DLG4: variants seen among roughly 807,000 people sequenced by gnomAD.
The protein encoded by DLG4 is disks large homolog 4.
A neutral mutation model predicts 93.8 loss-of-function variants in DLG4; 7 were observed. The observed-to-expected ratio is 0.07, with a 90% CI of 0.04 to 0.14. The LOEUF (loss-of-function observed/expected upper bound fraction) is 0.14, where lower values mean the gene tolerates loss of function less well. Ranked by LOEUF, DLG4 falls within the 10% of genes least tolerant of loss-of-function variation. DLG4 has a pLI of 1.00. For synonymous variants in DLG4, 341 were observed against 387.6 expected, an observed-to-expected ratio of 0.88 and a Z score of 1.41; for missense variants, 545 against 992.9, an observed-to-expected ratio of 0.55 and a Z score of 6.06.
chr17:7,218,164 A>G (rs1331965507), upstream of DLG4: 1 of 1,317,616 alleles, frequency 7.6e-7, no homozygotes, highest in Non-Finnish European at 1.1e-6. Flanking sequence ...ATTCCAGGTA[A>G]TATTAGTGAT....
chr17:7,208,005 C>T lies in DLG4; in HGVS notation c.96+169G>A. On this transcript the variant is annotated intron_variant, in intron 2 of 19. Coordinates refer to ENST00000399506, the MANE Select transcript of DLG4 (RefSeq NM_001321075.3). This position sits in a 1 kb window ranked among gnomAD's most constrained non-coding sequence, Gnocchi z 5.4. The stretch of plus-strand genomic sequence containing the variant: ...CCACGGCTCTCTCTCACCCTACCGG[C>T]CCTTAGGGATTGCTGCAGCTCCGAG... The T allele has an allele frequency of 8.5e-7, 1 of 1,177,208 alleles. No individual in the cohort carries two copies. The highest frequency in any genetic ancestry group is 1.1e-6 in the Non-Finnish European group (1 of 936,106). The allele number at this position is 1,177,208 out of a possible 1,614,324, so 72.9% of individuals were successfully genotyped here. A position where few individuals can be genotyped will look rare whatever the true frequency, so the allele number is the denominator to read the frequency against.
chr17:7,197,133 G>A (rs1567533306), intron 8 of DLG4, 81 bp from the exon 9 acceptor site: 5 of 1,384,910 alleles, frequency 3.6e-6, no homozygotes, highest in Non-Finnish European at 3.9e-6. Context: ...GGTGCCAGAA[G>A]AGCCAAAGTT....
chr17:7,205,342 G>C (rs1312152558), intron 2 of DLG4, among the ~76,000 whole-genome samples: 1 of 152,202 alleles, frequency 6.6e-6, no homozygotes, highest in Non-Finnish European at 1.5e-5. Context: ...CCCGGTCCTA[G>C]GGGCTTCCCC....
chr17:7,206,070 A>C (rs777632115), intron 2 of DLG4, among the ~76,000 whole-genome samples: 1 of 151,156 alleles, frequency 6.6e-6, no homozygotes, highest in African/African-American at 2.4e-5. Flanking sequence ...TCCCTTACCA[A>C]TGTGGCCTCA....
chr17:7,218,393 G>A (rs1256081024), upstream of DLG4: 15 of 1,411,542 alleles, frequency 1.1e-5, no homozygotes, highest in Non-Finnish European at 1.5e-5. Flanking sequence ...TTTCAGCCAA[G>A]GCTGGTCCAC....
At chr17:7,205,141 C>T in intron 2 of DLG4, 1 of 985,562 alleles carries the variant, frequency 1.0e-6, no homozygotes, top group Non-Finnish European at 1.2e-6. Flanking sequence ...GCCTTCCTCG[C>T]TCCCCTACGC....
At chr17:7,204,172 C>T (rs1324964583) in intron 3 of DLG4, 27 bp downstream of exon 3, 1 of 1,605,828 alleles carries the variant, frequency 6.2e-7, no homozygotes, top group African/African-American at 1.3e-5. Flanking sequence ...CTGCAATGGC[C>T]CCAGCCCCAA....
At position 7,217,270 on chromosome 17, in the gene DLG4, T is replaced by A; in HGVS notation, c.-123A>T. 1.1e-6 allele frequency: 1 copy of A among 951,786 alleles called. No homozygotes were observed. Among genetic ancestry groups the A allele is most frequent in the Non-Finnish European group, 1.2e-6 (1 of 800,748 alleles). 59.0% of individuals were successfully genotyped at this position (951,786 alleles called of 1,614,324 possible). The stretch of plus-strand genomic sequence containing the variant: ...CCCACTTTTGCAGGGGGGGCCAGGA[T>A]GGGGGGAGGGGTGAGAGGGGAAGGA... On this transcript the variant is annotated 5_prime_UTR_variant, in exon 1 of 20. Transcript: ENST00000399506.
In DLG4 at chr17:7,194,226, G is replaced by A; in HGVS notation, c.1478+93C>T. 1 of 1,489,294 alleles carries A rather than the reference G, an allele frequency of 6.7e-7. No individual in the cohort carries two copies. Among genetic ancestry groups the A allele is most frequent in the African/African-American group, 1.4e-5 (1 of 72,048 alleles). The allele number at this position is 1,489,294 out of a possible 1,614,324, so 92.3% of individuals were successfully genotyped here. A position where few individuals can be genotyped will look rare whatever the true frequency, so the allele number is the denominator to read the frequency against. On this transcript the variant is annotated intron_variant, in intron 12 of 19. Transcript: ENST00000399506. This position sits in a 1 kb window ranked among gnomAD's most constrained non-coding sequence, Gnocchi z 4.4. The stretch of plus-strand genomic sequence containing the variant: ...ACAGACAAACCCCTAGGAGTTCAGA[G>A]GGCAAACCCATCCCCTGTTGGCTGC...
intron 2 of DLG4, chr17:7,207,970 A>T: frequency 1.1e-6 from 1 of 896,576 alleles, no homozygotes; most frequent in Non-Finnish European, 1.4e-6. Context: ...CAGTCCCAGC[A>T]TCCCCCTCCC....
At chr17:7,192,206 A>C in intron 17 of DLG4, 2 of 434,062 alleles carry the variant, frequency 4.6e-6, no homozygotes, top group East Asian at 3.6e-5. Flanking sequence ...AAGGAAAGGG[A>C]AGATGGAGAG....
rs2069724611 is a variant in DLG4 at position 7,195,430 on chromosome 17, G to A, written c.1301+790C>T. 6.6e-6 allele frequency among the ~76,000 whole-genome samples: 1 copy of A among 152,190 alleles called. No homozygotes were observed. Among genetic ancestry groups the A allele is most frequent in the Non-Finnish European group, 1.5e-5 (1 of 68,038 alleles). On this transcript the variant is annotated intron_variant, in intron 11 of 19. Coordinates refer to ENST00000399506, the MANE Select transcript of DLG4 (RefSeq NM_001321075.3). This position sits in a 1 kb window ranked among gnomAD's most constrained non-coding sequence, Gnocchi z 4.3. ...GGCTCAGGTGGGAGCCAGTGTCTGGGTGGCTGGTGATGCCATCCAACAAGA... is the reference window on the plus strand; with the variant it reads ...GGCTCAGGTGGGAGCCAGTGTCTGGATGGCTGGTGATGCCATCCAACAAGA...
chr17:7,219,292 T>A, upstream of DLG4: 1 of 687,756 alleles, frequency 1.5e-6, no homozygotes. Context: ...GGAATCCATC[T>A]GCCTGGGCAC....
In DLG4 at chr17:7,203,968, C is replaced by A. The variant is rs373339; in HGVS notation, c.210+40G>T. On this transcript the variant is annotated intron_variant, in intron 4 of 19. Transcript: ENST00000399506. This position sits in a 1 kb window ranked among gnomAD's most constrained non-coding sequence, Gnocchi z 7.2. ...CACATGGCAGAAAGAAAGGTACAGA[C>A]GGGAGGCCACGGGGACTGCCGATGG... 1 of 1,603,210 alleles carries A rather than the reference C, an allele frequency of 6.2e-7. No homozygotes were observed. Among genetic ancestry groups the A allele is most frequent in the Admixed American group, 1.7e-5 (1 of 58,224 alleles).
At position 7,191,828 on chromosome 17, in the gene DLG4, C is replaced by A. The variant is rs1443080901; in HGVS notation, c.1976+65G>T. The stretch of plus-strand genomic sequence containing the variant: ...CTGAAGGGAGAGTTGAACGCAGACG[C>A]CTTGTGAGGCCCAGGGCCACAGGTG... On this transcript the variant is annotated intron_variant, in intron 18 of 19. Transcript: ENST00000399506. This position sits in a 1 kb window ranked among gnomAD's most constrained non-coding sequence, Gnocchi z 6.6. 8 of 1,166,074 alleles carry A rather than the reference C, an allele frequency of 6.9e-6. No individual in the cohort carries two copies. In the South Asian group the frequency reaches 8.1e-5, roughly 12 times the overall value. 72.2% of individuals were successfully genotyped at this position (1,166,074 alleles called of 1,614,324 possible).
chr17:7,207,978 C>T, intron 2 of DLG4, 196 bp downstream of exon 2: 1 of 1,034,966 alleles, frequency 9.7e-7, no homozygotes, highest in Non-Finnish European at 1.2e-6. Flanking sequence ...GCATCCCCCT[C>T]CCCACGGCTC....
chr17:7,203,823 G>A lies in DLG4; in HGVS notation c.211-7C>T, dbSNP rs747227472. 1 of 1,613,452 alleles carries A rather than the reference G, an allele frequency of 6.2e-7. No homozygotes were observed. Among genetic ancestry groups the A allele is most frequent in the Middle Eastern group, 1.7e-4 (1 of 6,056 alleles). ...AGCCCAGACCTGAGTTACCCTGGGT[G>A]AAGGAGGGGAAGAGGGTCAGCTCCC... On this transcript the variant is annotated splice_region_variant and splice_polypyrimidine_tract_variant and intron_variant, in intron 4 of 19. Coordinates refer to ENST00000399506, the MANE Select transcript of DLG4 (RefSeq NM_001321075.3). The surrounding 1 kb of genome is among the most constrained non-coding windows in gnomAD (Gnocchi z 7.2).
Position 7,194,072 on chromosome 17 carries a change from C to T in DLG4, c.1479-72G>A. On this transcript the variant is annotated intron_variant, in intron 12 of 19. Coordinates refer to ENST00000399506, the MANE Select transcript of DLG4 (RefSeq NM_001321075.3). This position sits in a 1 kb window ranked among gnomAD's most constrained non-coding sequence, Gnocchi z 4.4. The stretch of plus-strand genomic sequence containing the variant: ...CTGCCACCCCCATGCTCTGAGCCAG[C>T]TGACAACCCCTTCTCCATACTCTGG... 6.4e-7 allele frequency: 1 copy of T among 1,563,944 alleles called. No homozygotes were observed. Among genetic ancestry groups the T allele is most frequent in the South Asian group, 1.2e-5 (1 of 85,290 alleles).
At position 7,203,929 on chromosome 17, in the gene DLG4, C is replaced by A; in HGVS notation, c.210+79G>T. ...GAGGAGGAAGGCACAGGGTGAGGGG[C>A]TAGCCACCCAGACCACATGGCAGAA... On this transcript the variant is annotated intron_variant, in intron 4 of 19. Coordinates refer to ENST00000399506, the MANE Select transcript of DLG4 (RefSeq NM_001321075.3). The surrounding 1 kb of genome is among the most constrained non-coding windows in gnomAD (Gnocchi z 7.2). 6.3e-7 allele frequency: 1 copy of A among 1,587,566 alleles called. No individual in the cohort carries two copies. The highest frequency in any genetic ancestry group is 1.1e-5 in the South Asian group (1 of 88,112).
Sources: gnomAD v4.1 joint callset for allele counts (sites outside exome capture counted in the v4.1 genomes callset) on GRCh38, gnomAD v4.1.1 for gene constraint, Gnocchi (gnomAD v3.1) non-coding constraint, MANE v1.5 for transcripts, NCBI Gene and HGNC (gene_info 2026-07-23, HGNC 2026-07-21) for gene names.